Variants in PRR5L observed in about 807,000 individuals in gnomAD.
PRR5L encodes proline rich 5 like, also known as proline-rich protein 5-like.
PRR5L carries 21 observed loss-of-function variants against 36.4 expected under a neutral mutation model. The observed-to-expected ratio is 0.58, with a 90% confidence interval of 0.41 to 0.83. The LOEUF is 0.83. PRR5L is among the 40% of genes least tolerant of loss of function. The pLI is 0.00. For missense variants in PRR5L, 381 were observed against 473.3 expected (o/e 0.80, Z 1.81); for synonymous variants, 188 against 197.0 (o/e 0.95, Z 0.38).
chr11:36,350,571 C>A (rs1056148135), intron 1 of PRR5L, among the ~76,000 whole-genome samples: 1 of 151,732 alleles, frequency 6.6e-6, no homozygotes, highest in East Asian at 1.9e-4. Flanking sequence ...TTTTGGGGAA[C>A]AGGTCGTGTT....
intron 1 of PRR5L, among the ~76,000 whole-genome samples, chr11:36,374,105 C>CCTTCCT (rs776652107): frequency 2.9e-5 from 2 of 67,826 alleles, no homozygotes; most frequent in African/African-American, 1.2e-4. Context: ...TTCCTTCCTT[C>CCTTCCT]CTCTCTCTCT....
intron 1 of PRR5L, among the ~76,000 whole-genome samples, chr11:36,307,507 C>T (rs1856448006): frequency 6.6e-6 from 1 of 152,194 alleles, no homozygotes; most frequent in Non-Finnish European, 1.5e-5. Context: ...CACCTCTCTG[C>T]TCTGCCATCT....
At chr11:36,310,725 G>A (rs192001892) in intron 1 of PRR5L, among the ~76,000 whole-genome samples, 198 of 152,234 alleles carry the variant, frequency 1.3e-3, no homozygotes, top group South Asian at 3.5e-3. Flanking sequence ...GGGGCTGGGT[G>A]TGGTGGCTCA....
chr11:36,354,029 G>A (rs1279804792), intron 1 of PRR5L, among the ~76,000 whole-genome samples: 3 of 152,324 alleles, frequency 2.0e-5, no homozygotes, highest in East Asian at 1.9e-4. Flanking sequence ...AGAGTACACC[G>A]TGACAGAAGT....
intron 1 of PRR5L, among the ~76,000 whole-genome samples, chr11:36,314,175 C>G (rs756269875): frequency 6.6e-6 from 1 of 152,130 alleles, no homozygotes; most frequent in Non-Finnish European, 1.5e-5. Flanking sequence ...GTACCTGGTA[C>G]TAAAGAGGAC....
intron 1 of PRR5L, among the ~76,000 whole-genome samples, chr11:36,397,222 C>T (rs12802487): frequency 0.13 from 19,529 of 151,230 alleles, 1,627 homozygotes; most frequent in African/African-American, 0.24. Flanking sequence ...CACGCCAACA[C>T]GCCCAGCTAA....
intron 1 of PRR5L, chr11:36,396,178 TC>T (rs1281763852): frequency 6.6e-6 from 1 of 152,208 alleles, no homozygotes; most frequent in African/African-American, 2.4e-5. Flanking sequence ...CTGGGACACT[TC>T]CGGCCGGGGC....
chr11:36,397,067 C>CTTTTTTT (rs11300346), intron 1 of PRR5L, among the ~76,000 whole-genome samples: 1 of 130,640 alleles, frequency 7.7e-6, no homozygotes, highest in Non-Finnish European at 1.6e-5. Flanking sequence ...GTTTTCTTTT[C>CTTTTTTT]TTTTTTTTTT....
intron 1 of PRR5L, among the ~76,000 whole-genome samples, chr11:36,327,362 A>T (rs181591210): frequency 2.0e-5 from 3 of 152,178 alleles, no homozygotes; most frequent in African/African-American, 7.2e-5. Context: ...ATCAGCATTA[A>T]CATTCAAACA....
chr11:36,419,347 G>T (rs762766168), intron 4 of PRR5L, 44 bp downstream of exon 4: 2 of 1,546,524 alleles, frequency 1.3e-6, no homozygotes, highest in East Asian at 4.5e-5. Context: ...CATGCATGTG[G>T]GGGCATGGAC....
chr11:36,437,329 G>A, intron 5 of PRR5L, 56 bp from the exon 6 acceptor site: 1 of 1,164,918 alleles, frequency 8.6e-7, no homozygotes, highest in Non-Finnish European at 1.3e-6. Flanking sequence ...TCTCCTACAA[G>A]TAATGACGAA....
At chr11:36,361,636 A>G (rs1857089808) in intron 1 of PRR5L, among the ~76,000 whole-genome samples, 1 of 152,206 alleles carries the variant, frequency 6.6e-6, no homozygotes, top group African/African-American at 2.4e-5. Context: ...ATCAAACGAT[A>G]GTGTGTTTGC....
chr11:36,340,670 G>A (rs1299889574), intron 1 of PRR5L, among the ~76,000 whole-genome samples: 1 of 152,152 alleles, frequency 6.6e-6, no homozygotes, highest in East Asian at 1.9e-4. Context: ...ACAGAGAATG[G>A]AATTTGTGTC....
At chr11:36,346,505 C>T (rs1856867306) in intron 1 of PRR5L, among the ~76,000 whole-genome samples, 1 of 152,018 alleles carries the variant, frequency 6.6e-6, no homozygotes, top group Non-Finnish European at 1.5e-5. Flanking sequence ...ATGGCGTGAA[C>T]CCGGGAGGCG....
chr11:36,309,182 T>C (rs1286978688), intron 1 of PRR5L, among the ~76,000 whole-genome samples: 2 of 152,248 alleles, frequency 1.3e-5, no homozygotes, highest in African/African-American at 4.8e-5. Context: ...GGAGTTGTTT[T>C]GGTGAGTTTC....
chr11:36,385,783 A>C (rs1007656815), intron 1 of PRR5L, among the ~76,000 whole-genome samples: 1 of 152,226 alleles, frequency 6.6e-6, no homozygotes, highest in African/African-American at 2.4e-5. Context: ...GTGCTATGCT[A>C]TGTAGCAGGC....
chr11:36,338,832 C>T (rs1412736246), intron 1 of PRR5L, among the ~76,000 whole-genome samples: 1 of 151,980 alleles, frequency 6.6e-6, no homozygotes, highest in Non-Finnish European at 1.5e-5. Context: ...TTTGGCTGTG[C>T]CCCACCCAGA....
chr11:36,335,230 A>G (rs1856757354), intron 1 of PRR5L, among the ~76,000 whole-genome samples: 1 of 151,962 alleles, frequency 6.6e-6, no homozygotes, highest in Admixed American at 6.6e-5. Context: ...ACGCCAGGCT[A>G]ATTTTTGTAT....
intron 3 of PRR5L, among the ~76,000 whole-genome samples, chr11:36,416,482 T>C (rs944949628): frequency 2.0e-5 from 3 of 152,232 alleles, no homozygotes; most frequent in Non-Finnish European, 4.4e-5. Flanking sequence ...ACATCGTGTC[T>C]GGTTCCTCCT....
Sources: gnomAD v4.1 joint callset for allele counts (sites outside exome capture counted in the v4.1 genomes callset) on GRCh38, gnomAD v4.1.1 for gene constraint, MANE v1.5 for transcripts, NCBI Gene and HGNC (gene_info 2026-07-23, HGNC 2026-07-21) for gene names.